SLC27A5: variants seen among roughly 807,000 people sequenced by gnomAD.
SLC27A5 encodes solute carrier family 27 member 5, also known as long-chain fatty acid transport protein 5.
Under a neutral mutation model 63.1 loss-of-function variants are expected in SLC27A5, and 47 were observed. That is an observed-to-expected ratio of 0.74 (90% CI 0.59 to 0.95). The LOEUF (loss-of-function observed/expected upper bound fraction) is 0.95, where lower values mean the gene tolerates loss of function less well. SLC27A5 is among the 40% of genes least tolerant of loss of function. The probability of loss-of-function intolerance (pLI) is 0.00; values close to 1 mark genes in which losing one functional copy is unlikely to be tolerated. For synonymous variants in SLC27A5, 391 were observed against 403.8 expected, an observed-to-expected ratio of 0.97 and a Z score of 0.38; for missense variants, 940 against 921.0, an observed-to-expected ratio of 1.02 and a Z score of -0.27.
At chr19:58,500,932 G>C (rs973038087) in intron 4 of SLC27A5, 4 of 1,388,396 alleles carry the variant, frequency 2.9e-6, no homozygotes, top group Admixed American at 6.0e-5. Context: ...TTGCCTGGGG[G>C]ACGTTACCAG....
Position 58,511,536 on chromosome 19 carries a change from G to A in SLC27A5, c.420C>T (p.Ala140=), listed in dbSNP as rs532241719. ...CCAGCTCACCAAAGGTGACTGAGCCGGCCCCAGGCCCCGTCCACACCAAGA... is the reference window on the plus strand; with the variant it reads ...CCAGCTCACCAAAGGTGACTGAGCCAGCCCCAGGCCCCGTCCACACCAAGA... ...RALLVWTGPG[A]GSVTFGELDA... Residue 140 remains alanine, a synonymous_variant, in exon 1 of 10, where the codon GCC becomes GCT. Coordinates refer to ENST00000263093, the MANE Select transcript of SLC27A5 (RefSeq NM_012254.3). 2.0e-5 allele frequency: 32 copies of A among 1,564,004 alleles called. No individual in the cohort carries two copies. Among genetic ancestry groups the A allele is most frequent in the East Asian group, 1.4e-4 (6 of 42,152 alleles).
In SLC27A5 at chr19:58,498,802, G is replaced by T; in HGVS notation, c.1879C>A (p.His627Asn). ...GGGCTCACCTGGATGCGGATGAAAT[G>T]GGGGGTAGCGTAGGCAGGGAGCCAA... ...RAWLPAYATP[H>N]FIRIQDAMEV... The change falls in exon 9 of 10, where the codon CAT (histidine) becomes AAT (asparagine). Residue 627 changes from histidine to asparagine, a missense_variant. His to Asn is a moderately conservative substitution (Grantham distance 68). Transcript: ENST00000263093. 6.2e-7 allele frequency: 1 copy of T among 1,613,818 alleles called. No homozygotes were observed. The highest frequency in any genetic ancestry group is 8.5e-7 in the Non-Finnish European group (1 of 1,179,860).
chr19:58,503,347 G>A (rs1047894591), intron 3 of SLC27A5, among the ~76,000 whole-genome samples: 1 of 151,758 alleles, frequency 6.6e-6, no homozygotes, highest in African/African-American at 2.4e-5. Context: ...TTGTATTGAC[G>A]TATGGACACA....
At position 58,500,401 on chromosome 19, in the gene SLC27A5, A is replaced by G; in HGVS notation, c.1406T>C (p.Phe469Ser). Reference protein sequence around the residue: ...RMLSPFELVQFDMEAAEPVRD... With the variant: ...RMLSPFELVQSDMEAAEPVRD... Reference sequence around the variant, plus strand: ...CACAGGCTCCGCCGCCTCCATGTCGAACTGCACCAGCTCAAAGGGGGACAG... The same window carrying G: ...CACAGGCTCCGCCGCCTCCATGTCGGACTGCACCAGCTCAAAGGGGGACAG... The change falls in exon 6 of 10, where the codon TTC (phenylalanine) becomes TCC (serine). Residue 469 changes from phenylalanine (F) to serine (S), a missense_variant. Physicochemically the swap from Phe to Ser is radical, Grantham distance 155 (BLOSUM62 -2). Transcript: ENST00000263093. 6.2e-7 allele frequency: 1 copy of G among 1,613,806 alleles called. No homozygotes were observed.
rs774778608 is a variant in SLC27A5 at position 58,510,814 on chromosome 19, C to G, written c.805G>C (p.Asp269His). 4 of 1,613,366 alleles carry G rather than the reference C, an allele frequency of 2.5e-6. No individual in the cohort carries two copies. The highest frequency in any genetic ancestry group is 3.4e-6 in the Non-Finnish European group (4 of 1,179,862). Residue 269 changes from aspartate (D) to histidine (H), a missense_variant, in exon 2 of 10, where the codon GAT (aspartate) becomes CAT (histidine). Asp to His is a moderately conservative substitution (Grantham distance 81). Transcript: ENST00000263093. Reference protein sequence around the residue: ...PGVGALGAALDAAPSHPVPAD... With the variant: ...PGVGALGAALHAAPSHPVPAD... ...GGCACTGGGTGGGAGGGCGCTGCAT[C>G]CAGGGCAGCCCCCAGAGCCCCCACC...
intron 3 of SLC27A5, among the ~76,000 whole-genome samples, chr19:58,506,853 G>T (rs1445730066): frequency 6.6e-6 from 1 of 151,676 alleles, no homozygotes; most frequent in African/African-American, 2.4e-5. Flanking sequence ...AGGTGATCCA[G>T]TGGCCTCAGC....
chr19:58,499,670 TCAG>T lies in SLC27A5; in HGVS notation c.1486_1488del (p.Leu496del), dbSNP rs2053251581. On this transcript the variant is annotated inframe_deletion, in exon 7 of 10. Transcript: ENST00000263093. ...AAGGGTTGCTGGCTTACCACCTTGG[TCAG>T]CAGCAGCCCCGGCTCCCCTGGGGTA... is the stretch of plus-strand genomic sequence containing the variant. The T allele has an allele frequency of 1.9e-6, 3 of 1,611,872 alleles. No individual in the cohort carries two copies. The highest frequency in any genetic ancestry group is 2.5e-6 in the Non-Finnish European group (3 of 1,179,962).
At chr19:58,499,335 G>A in intron 7 of SLC27A5, 115 bp from the exon 8 acceptor site, 2 of 1,292,038 alleles carry the variant, frequency 1.5e-6, no homozygotes, top group East Asian at 2.7e-5. Context: ...CCGCCCCCTC[G>A]AAAATCGAGA....
chr19:58,507,865 G>A (rs2053364674), intron 3 of SLC27A5: 1 of 152,220 alleles, frequency 6.6e-6, no homozygotes. Context: ...TTACTAGGGT[G>A]GGGAAAAACC....
Position 58,511,818 on chromosome 19 carries a change from A to T in SLC27A5, c.138T>A (p.Leu46=). 1 of 1,559,252 alleles carries T rather than the reference A, an allele frequency of 6.4e-7. No homozygotes were observed. Among genetic ancestry groups the T allele is most frequent in the Non-Finnish European group, 8.7e-7 (1 of 1,152,046 alleles). The change falls in exon 1 of 10, where the codon CTT becomes CTA. Residue 46 remains leucine (L), a synonymous_variant. Coordinates refer to ENST00000263093, the MANE Select transcript of SLC27A5 (RefSeq NM_012254.3). ...AGGGCCGTGCTAACATGGCCAGCCCAAGTAGCACGCAACATGTGGGATCCC... is the reference window on the plus strand; with the variant it reads ...AGGGCCGTGCTAACATGGCCAGCCCTAGTAGCACGCAACATGTGGGATCCC... ...LLGDPTCCVL[L]GLAMLARPWL...
intron 6 of SLC27A5, 139 bp downstream of exon 6, chr19:58,500,200 C>T: frequency 1.4e-6 from 1 of 693,420 alleles, no homozygotes; most frequent in Non-Finnish European, 2.5e-6. Context: ...AGGCAGGCCA[C>T]TGGCTCAGGG....
At chr19:58,502,934 AG>A (rs2053297294) in intron 3 of SLC27A5, among the ~76,000 whole-genome samples, 1 of 151,084 alleles carries the variant, frequency 6.6e-6, no homozygotes, top group Non-Finnish European at 1.5e-5. Flanking sequence ...TGGCTGGGTG[AG>A]GATCGTCACG....
intron 4 of SLC27A5, chr19:58,501,037 T>A: frequency 3.3e-6 from 4 of 1,220,334 alleles, no homozygotes; most frequent in Non-Finnish European, 4.2e-6. Context: ...TAATTTTTAA[T>A]GGAAATTCTC....
At chr19:58,505,833 A>G (rs2122512226) in intron 3 of SLC27A5, among the ~76,000 whole-genome samples, 1 of 125,172 alleles carries the variant, frequency 8.0e-6, no homozygotes, top group East Asian at 2.4e-4. Flanking sequence ...GGGCAACAAT[A>G]GTGAAACCCC....
At chr19:58,498,961 C>T in intron 8 of SLC27A5, 46 bp from the exon 9 acceptor site, 3 of 1,596,268 alleles carry the variant, frequency 1.9e-6, no homozygotes, top group Non-Finnish European at 2.6e-6. Flanking sequence ...CTCGAGGGCC[C>T]ATAGCTGACC....
In SLC27A5 at chr19:58,501,596, T is replaced by A. The variant is rs541450663; in HGVS notation, c.1058-186A>T. The stretch of plus-strand genomic sequence containing the variant: ...GAGCATAGGCAGGCCTGGGTTCAAA[T>A]CCTGTCTCCAGGATGCCGGGAAAGC... On this transcript the variant is annotated intron_variant, in intron 3 of 9. Transcript: ENST00000263093. 2.6e-5 allele frequency among the ~76,000 whole-genome samples: 4 copies of A among 152,042 alleles called. No homozygotes were observed. In the South Asian group the frequency reaches 8.3e-4, roughly 32 times the overall value.
intron 3 of SLC27A5, 151 bp downstream of exon 3, chr19:58,509,696 C>T (rs912326174): frequency 6.0e-5 from 40 of 667,672 alleles, no homozygotes; most frequent in Admixed American, 5.4e-4. Flanking sequence ...TCTGTCCATG[C>T]GGCCCTGGTA....
chr19:58,500,477 CAG>C, intron 5 of SLC27A5, 33 bp downstream of exon 5: 10 of 1,613,854 alleles, frequency 6.2e-6, no homozygotes, highest in Non-Finnish European at 8.5e-6. Flanking sequence ...GGCTCAGCCT[CAG>C]GGCAGCTGCA....
rs1171117816 is a variant in SLC27A5, at chr19:58,498,551, C to G, written c.2037G>C (p.Met679Ile). 2 of 1,613,814 alleles carry G rather than the reference C, an allele frequency of 1.2e-6. No individual in the cohort carries two copies. Among genetic ancestry groups the G allele is most frequent in the African/African-American group, 2.7e-5 (2 of 74,918 alleles). Residue 679 changes from methionine to isoleucine, a missense_variant, in exon 10 of 10, where the codon ATG becomes ATC. Met to Ile is a conservative substitution (Grantham distance 10, BLOSUM62 1). Transcript: ENST00000263093. ...AQSFRPLTAE[M>I]YQAVCEGTWR... ...AGGTTCCCTCACACACAGCCTGGTA[C>G]ATTTCTGCCGTCAGGGGCCGGAAGG...
Sources: gnomAD v4.1 joint callset for allele counts (sites outside exome capture counted in the v4.1 genomes callset) on GRCh38, gnomAD v4.1.1 for gene constraint, MANE v1.5 for transcripts, NCBI Gene and HGNC (gene_info 2026-07-23, HGNC 2026-07-21) for gene names.